Variants in PKIB observed in about 807,000 individuals in gnomAD.
PKIB encodes the protein PKI-beta.
PKIB carries 2 observed loss-of-function variants against 4.5 expected under a neutral mutation model. That is an observed-to-expected ratio of 0.44 (90% CI 0.18 to 1.39). The LOEUF is 1.39. PKIB is among the 40% of genes most tolerant of loss of function. The pLI is 0.27. For synonymous variants in PKIB, 38 were observed against 36.0 expected (o/e 1.06, Z -0.20); for missense variants, 94 against 92.6 (o/e 1.02, Z -0.06).
intron 2 of PKIB, among the ~76,000 whole-genome samples, chr6:122,510,408 AATG>A (rs1479231493): frequency 6.6e-6 from 1 of 152,222 alleles, no homozygotes; most frequent in African/African-American, 2.4e-5. Flanking sequence ...AAAACTTTTC[AATG>A]ATATCTGGCT....
chr6:122,676,544 T>C (rs1042957373), intron 3 of PKIB, among the ~76,000 whole-genome samples: 3 of 152,204 alleles, frequency 2.0e-5, no homozygotes, highest in Non-Finnish European at 4.4e-5. Context: ...TTCTCAACTA[T>C]AAATATTTGT....
At chr6:122,677,870 CCTTCCTTCCTTCCTTCCTTCCTTT>C (rs1330821999) in intron 3 of PKIB, among the ~76,000 whole-genome samples, 64 of 111,620 alleles carry the variant, frequency 5.7e-4, no homozygotes, top group South Asian at 3.1e-3. Flanking sequence ...TTCCTTCCTT[CCTTCCTTCCTTCCTTCCTTCCTTT>C]CTTTCTTTCT....
Position 122,558,878 on chromosome 6 carries a change from G to A in PKIB, c.-247-27043G>A, listed in dbSNP as rs922538285. ...GAGCAGTATACATTGCACCATATTT[G>A]TAGTCTTTTATCCCTTGCTTCCCTC... On this transcript the variant is annotated intron_variant, in intron 2 of 6. Transcript: ENST00000392491. Among the ~76,000 whole-genome samples, 80 of 152,268 alleles carry A rather than the reference G, an allele frequency of 5.3e-4. 1 individual carries two copies. Among genetic ancestry groups the A allele is most frequent in the African/African-American group, 1.9e-3 (80 of 41,562 alleles).
chr6:122,542,969 G>T (rs919398985), intron 2 of PKIB, among the ~76,000 whole-genome samples: 5 of 152,110 alleles, frequency 3.3e-5, no homozygotes, highest in Non-Finnish European at 5.9e-5. Flanking sequence ...ATCTCAGACT[G>T]CTGTGCTAGC....
intron 2 of PKIB, among the ~76,000 whole-genome samples, chr6:122,665,348 T>C (rs995127824): frequency 2.0e-5 from 3 of 152,208 alleles, no homozygotes; most frequent in African/African-American, 7.2e-5. Context: ...AATGGATTTA[T>C]TGCAAAATTT....
At chr6:122,717,359 C>T (rs1376419287) in intron 3 of PKIB, among the ~76,000 whole-genome samples, 2 of 152,072 alleles carry the variant, frequency 1.3e-5, no homozygotes, top group Non-Finnish European at 2.9e-5. Context: ...TGTTTGGTCT[C>T]TACAAATTAT....
At chr6:122,584,170 A>G (rs776879276) in intron 2 of PKIB, among the ~76,000 whole-genome samples, 1 of 152,120 alleles carries the variant, frequency 6.6e-6, no homozygotes, top group Non-Finnish European at 1.5e-5. Context: ...AAGAAAATAT[A>G]TGAGAAAAGG....
At chr6:122,602,079 C>T (rs1319994876) in intron 3 of PKIB, among the ~76,000 whole-genome samples, 1 of 150,970 alleles carries the variant, frequency 6.6e-6, no homozygotes, top group Non-Finnish European at 1.5e-5. Flanking sequence ...AACTGGTAGT[C>T]CTGAAGTCTG....
chr6:122,637,839 A>T (rs192355148), intron 2 of PKIB, among the ~76,000 whole-genome samples: 13 of 152,222 alleles, frequency 8.5e-5, no homozygotes, highest in Admixed American at 5.2e-4. Context: ...TGGAAAGATG[A>T]ATTGTTCCAC....
At chr6:122,631,888 A>G (rs1775718725) in intron 1 of PKIB, among the ~76,000 whole-genome samples, 1 of 152,222 alleles carries the variant, frequency 6.6e-6, no homozygotes, top group African/African-American at 2.4e-5. Context: ...TGATGTTGAC[A>G]TTTGGGGAAA....
At chr6:122,578,667 T>C (rs1773617157) in intron 2 of PKIB, among the ~76,000 whole-genome samples, 1 of 152,154 alleles carries the variant, frequency 6.6e-6, no homozygotes. Context: ...CTGTCTCACA[T>C]TGTGCATGGT....
At chr6:122,491,770 CAA>C (rs1047420274) in intron 2 of PKIB, among the ~76,000 whole-genome samples, 1 of 152,156 alleles carries the variant, frequency 6.6e-6, no homozygotes, top group African/African-American at 2.4e-5. Flanking sequence ...ATTTATGACT[CAA>C]AAATATCAAG....
intron 3 of PKIB, among the ~76,000 whole-genome samples, chr6:122,678,509 T>C (rs1216110570): frequency 1.3e-5 from 2 of 152,184 alleles, no homozygotes. Context: ...CTTTCTGTTT[T>C]GTTTTGTTTT....
intron 2 of PKIB, among the ~76,000 whole-genome samples, chr6:122,506,840 C>T (rs1002721824): frequency 6.6e-6 from 1 of 150,498 alleles, no homozygotes. Flanking sequence ...GCTGGGACTA[C>T]AGGCGCCCAC....
chr6:122,634,697 A>G (rs1775842448), intron 2 of PKIB, among the ~76,000 whole-genome samples: 2 of 152,330 alleles, frequency 1.3e-5, no homozygotes, highest in South Asian at 2.1e-4. Flanking sequence ...AACATTGGCA[A>G]TAGGTTCATT....
intron 3 of PKIB, among the ~76,000 whole-genome samples, chr6:122,687,338 A>G (rs903030097): frequency 6.6e-6 from 1 of 152,078 alleles, no homozygotes; most frequent in African/African-American, 2.4e-5. Flanking sequence ...GTCTGTTTTT[A>G]TGCTAGTAGC....
At chr6:122,543,071 G>T (rs746645147) in intron 2 of PKIB, among the ~76,000 whole-genome samples, 1 of 152,142 alleles carries the variant, frequency 6.6e-6, no homozygotes, top group South Asian at 2.1e-4. Context: ...TTGGAAAAGC[G>T]CAGTATTAGG....
intron 2 of PKIB, chr6:122,644,916 A>G (rs918169794): frequency 6.6e-6 from 1 of 152,228 alleles, no homozygotes; most frequent in South Asian, 2.1e-4. Context: ...TTAGAGTTGT[A>G]TGGACTGTGA....
chr6:122,519,282 A>T (rs1164808829), intron 2 of PKIB, among the ~76,000 whole-genome samples: 2 of 151,946 alleles, frequency 1.3e-5, no homozygotes, highest in Non-Finnish European at 2.9e-5. Context: ...GTCTCCCATC[A>T]CCCCCAGATG....
Sources: allele counts gnomAD v4.1 joint callset (sites outside exome capture counted in the v4.1 genomes callset), GRCh38; gene constraint gnomAD v4.1.1; transcripts MANE v1.5; gene names NCBI Gene and HGNC (gene_info 2026-07-23, HGNC 2026-07-21).